The following HGD variants were observed in gnomAD, a reference collection of about 807,000 sequenced individuals.
HGD encodes the protein homogentisate oxidase.
Under a neutral mutation model 60.8 loss-of-function variants are expected in HGD, and 61 were observed. The observed-to-expected ratio is 1.00, with a 90% CI of 0.82 to 1.24. The LOEUF (loss-of-function observed/expected upper bound fraction) is 1.24, where lower values mean the gene tolerates loss of function less well. Ranked by LOEUF, HGD falls within the 50% of genes most tolerant of loss-of-function variation. The pLI, the probability that HGD is intolerant of heterozygous loss-of-function variation, is 0.00. For synonymous variants in HGD, 212 were observed against 187.7 expected (o/e 1.13, Z -1.06); for missense variants, 542 against 547.1 (o/e 0.99, Z 0.09).
intron 1 of HGD, among the ~76,000 whole-genome samples, chr3:120,679,074 G>A (rs1164599602): frequency 6.6e-6 from 1 of 152,200 alleles, no homozygotes; most frequent in African/African-American, 2.4e-5. Context: ...TTCTTTTCGA[G>A]AGAATTATAT....
intron 4 of HGD, 180 bp downstream of exon 4, chr3:120,670,247 G>C (rs1272626391): frequency 3.2e-6 from 2 of 621,646 alleles, no homozygotes; most frequent in East Asian, 5.5e-5. Context: ...TTTCATAGCA[G>C]CATGAGAATG....
rs1708240846 is a variant in HGD at position 120,682,127 on chromosome 3, T to C, written c.-16A>G. ...ACTCAGCCATTTTCTCTCTCCTCTA[T>C]GTGTGGTGACTTCAGGAAACCCAGG... On this transcript the variant is annotated 5_prime_UTR_variant, in exon 1 of 14. Transcript: ENST00000283871. 1.9e-6 allele frequency: 3 copies of C among 1,613,732 alleles called. No individual in the cohort carries two copies. The highest frequency in any genetic ancestry group is 4.5e-5 in the East Asian group (2 of 44,882).
chr3:120,648,925 A>T (rs1941246598), intron 6 of HGD, among the ~76,000 whole-genome samples: 2 of 152,144 alleles, frequency 1.3e-5, no homozygotes, highest in South Asian at 4.1e-4. Flanking sequence ...ACCCTGAAGG[A>T]GTTGCCTGAA....
intron 8 of HGD, among the ~76,000 whole-genome samples, 175 bp from the exon 9 acceptor site, chr3:120,646,541 TA>T (rs1414776809): frequency 6.6e-6 from 1 of 152,090 alleles, no homozygotes; most frequent in Admixed American, 6.5e-5. Flanking sequence ...AAGAAATTTT[TA>T]AAATTCAGTT....
chr3:120,670,584 G>GTGT, intron 3 of HGD, 52 bp from the exon 4 acceptor site: 1 of 1,023,148 alleles, frequency 9.8e-7, no homozygotes, highest in Non-Finnish European at 1.6e-6. Context: ...TGTTCTGAGT[G>GTGT]ATACACAGAA....
intron 4 of HGD, among the ~76,000 whole-genome samples, chr3:120,662,510 G>A (rs1707795987): frequency 6.6e-6 from 1 of 152,118 alleles, no homozygotes. Context: ...ACTGAACTGG[G>A]ATCTCTGGGG....
rs112570508 is a variant in HGD at position 120,661,232 on chromosome 3, TC to T, written c.283-8582del. On this transcript the variant is annotated intron_variant, in intron 4 of 13. Transcript: ENST00000283871. ...TTGGCTCCTAAACCCAAGCTTTCCC[TC>T]CTTTTAATGGTCTTGTACCTGGTCT... Among the ~76,000 whole-genome samples, 8 of 152,286 alleles carry T rather than the reference TC, an allele frequency of 5.3e-5. 2 individuals are homozygous for T. The highest frequency in any genetic ancestry group is 1.9e-4 in the African/African-American group (8 of 41,556).
chr3:120,630,126 G>A (rs1475564923), intron 13 of HGD, among the ~76,000 whole-genome samples: 1 of 152,110 alleles, frequency 6.6e-6, no homozygotes. Context: ...AATCAGAGAA[G>A]ACACAAACAA....
At chr3:120,635,611 A>G (rs893583795) in intron 12 of HGD, among the ~76,000 whole-genome samples, 2 of 151,998 alleles carry the variant, frequency 1.3e-5, no homozygotes, top group Non-Finnish European at 2.9e-5. Flanking sequence ...AAAGATTTTG[A>G]GTATTGCCAA....
At chr3:120,663,209 G>C (rs1269302614) in intron 4 of HGD, among the ~76,000 whole-genome samples, 1 of 152,110 alleles carries the variant, frequency 6.6e-6, no homozygotes, top group Non-Finnish European at 1.5e-5. Context: ...GGATAAGAAA[G>C]ACAGTAAGGA....
At chr3:120,641,876 A>T in intron 10 of HGD, 183 bp from the exon 11 acceptor site, 1 of 619,794 alleles carries the variant, frequency 1.6e-6, no homozygotes, top group Non-Finnish European at 2.9e-6. Context: ...CACACCCTCT[A>T]CTTAGCCACT....
intron 3 of HGD, among the ~76,000 whole-genome samples, chr3:120,671,961 G>A (rs1464947604): frequency 6.6e-6 from 1 of 151,610 alleles, no homozygotes; most frequent in Admixed American, 6.6e-5. Context: ...CACAGTGAGG[G>A]GAATAACACA....
At chr3:120,660,650 C>A (rs1311466408) in intron 4 of HGD, among the ~76,000 whole-genome samples, 1 of 152,114 alleles carries the variant, frequency 6.6e-6, no homozygotes. Context: ...CATGGTGAAA[C>A]CATGTCTCTA....
chr3:120,630,850 A>ATACG (rs1559780539), intron 13 of HGD, among the ~76,000 whole-genome samples: 1 of 135,472 alleles, frequency 7.4e-6, no homozygotes. Context: ...ACATACACAC[A>ATACG]CACACACACA....
At chr3:120,631,874 C>T (rs1434990941) in intron 13 of HGD, among the ~76,000 whole-genome samples, 1 of 152,138 alleles carries the variant, frequency 6.6e-6, no homozygotes, top group Non-Finnish European at 1.5e-5. Flanking sequence ...AGTATTGCTC[C>T]TCATAGAAAC....
chr3:120,668,064 TG>T (rs2107544839), intron 4 of HGD, among the ~76,000 whole-genome samples: 1 of 151,998 alleles, frequency 6.6e-6, no homozygotes, highest in South Asian at 2.1e-4. Context: ...TCTAAGGGGT[TG>T]GGGGTTAGAA....
intron 9 of HGD, among the ~76,000 whole-genome samples, chr3:120,644,888 G>A (rs1418463750): frequency 1.3e-5 from 2 of 150,092 alleles, no homozygotes; most frequent in Non-Finnish European, 3.0e-5. Context: ...GCATGCCTCT[G>A]CTCCCTAGAC....
intron 1 of HGD, among the ~76,000 whole-genome samples, chr3:120,676,631 A>G (rs1395826224): frequency 6.6e-6 from 1 of 152,084 alleles, no homozygotes; most frequent in Non-Finnish European, 1.5e-5. Context: ...AAATTTGTCG[A>G]TTGATTGAAT....
At chr3:120,630,292 AC>A (rs2107485731) in intron 13 of HGD, among the ~76,000 whole-genome samples, 1 of 152,312 alleles carries the variant, frequency 6.6e-6, no homozygotes, top group Non-Finnish European at 1.5e-5. Context: ...TTCATATGGA[AC>A]CAAAAAAGAG....
Sources: allele counts gnomAD v4.1 joint callset (sites outside exome capture counted in the v4.1 genomes callset), GRCh38; gene constraint gnomAD v4.1.1; transcripts MANE v1.5; gene names NCBI Gene and HGNC (gene_info 2026-07-23, HGNC 2026-07-21).